LRRC4C: variants seen among roughly 807,000 people sequenced by gnomAD.
LRRC4C encodes the protein leucine rich repeat containing 4C.
In LRRC4C, 5 loss-of-function variants were observed where a neutral mutation model predicts 33.6. The ratio of observed to expected loss-of-function variants is 0.15; its 90% CI spans 0.08 to 0.31. The LOEUF (loss-of-function observed/expected upper bound fraction) is 0.31, where lower values mean the gene tolerates loss of function less well. LRRC4C is among the 10% of genes least tolerant of loss of function. LRRC4C has a pLI of 1.00. For missense variants in LRRC4C, 560 were observed against 796.7 expected (o/e 0.70, Z 3.58); for synonymous variants, 329 against 302.0 (o/e 1.09, Z -0.93).
chr11:40,238,273 C>G (rs1266077744), intron 5 of LRRC4C, among the ~76,000 whole-genome samples: 1 of 152,200 alleles, frequency 6.6e-6, no homozygotes, highest in Non-Finnish European at 1.5e-5. Flanking sequence ...CCTGCTCTAG[C>G]CACTGTTTCC....
chr11:40,629,429 T>C (rs915683776), intron 3 of LRRC4C, among the ~76,000 whole-genome samples: 1 of 152,192 alleles, frequency 6.6e-6, no homozygotes, highest in Admixed American at 6.5e-5. Context: ...TTCTCAATTC[T>C]AGGTATATCT....
chr11:41,315,729 A>G (rs1198478869), intron 1 of LRRC4C, among the ~76,000 whole-genome samples: 1 of 152,230 alleles, frequency 6.6e-6, no homozygotes, highest in Non-Finnish European at 1.5e-5. Context: ...TTAAATCACT[A>G]AGTTCTGAAT....
intron 1 of LRRC4C, among the ~76,000 whole-genome samples, chr11:41,162,655 AT>A (rs1760057529): frequency 6.6e-6 from 1 of 152,228 alleles, no homozygotes; most frequent in Non-Finnish European, 1.5e-5. Flanking sequence ...ACCTAAAAAT[AT>A]GTAATCATAA....
At chr11:40,832,745 A>G (rs1277363936) in intron 2 of LRRC4C, among the ~76,000 whole-genome samples, 1 of 152,190 alleles carries the variant, frequency 6.6e-6, no homozygotes, top group Non-Finnish European at 1.5e-5. Context: ...AAAATTTTGG[A>G]ACTATCAAAT....
intron 5 of LRRC4C, among the ~76,000 whole-genome samples, chr11:40,204,665 T>C (rs1863014194): frequency 6.6e-6 from 1 of 152,170 alleles, no homozygotes; most frequent in Non-Finnish European, 1.5e-5. Flanking sequence ...AGACAATTGA[T>C]AAATACAGAT....
At chr11:40,549,940 T>C (rs1420788912) in intron 3 of LRRC4C, among the ~76,000 whole-genome samples, 1 of 152,122 alleles carries the variant, frequency 6.6e-6, no homozygotes, top group African/African-American at 2.4e-5. Context: ...TTGAAATATG[T>C]GTTATATGAA....
At chr11:40,144,795 AGCCGTAG>A (rs983784734) in intron 5 of LRRC4C, among the ~76,000 whole-genome samples, 1 of 152,222 alleles carries the variant, frequency 6.6e-6, no homozygotes, top group African/African-American at 2.4e-5. Context: ...AAATATTTGA[AGCCGTAG>A]GCTAGTGATC....
intron 1 of LRRC4C, among the ~76,000 whole-genome samples, chr11:41,050,741 G>A (rs961714265): frequency 1.3e-5 from 2 of 152,118 alleles, no homozygotes; most frequent in African/African-American, 4.8e-5. Flanking sequence ...AAATAGTGCT[G>A]CAGTAAACAT....
At chr11:41,033,402 C>A (rs1045731548) in intron 1 of LRRC4C, among the ~76,000 whole-genome samples, 2 of 151,890 alleles carry the variant, frequency 1.3e-5, no homozygotes, top group Non-Finnish European at 2.9e-5. Context: ...CAGACAGCCA[C>A]AAGCTTATGG....
At chr11:40,249,228 A>C (rs1486968902) in intron 4 of LRRC4C, among the ~76,000 whole-genome samples, 1 of 152,040 alleles carries the variant, frequency 6.6e-6, no homozygotes, top group Non-Finnish European at 1.5e-5. Flanking sequence ...AATCCCAGCT[A>C]CTTGGGAGGC....
At chr11:40,633,893 G>C (rs1363884439) in intron 3 of LRRC4C, among the ~76,000 whole-genome samples, 1 of 152,148 alleles carries the variant, frequency 6.6e-6, no homozygotes, top group Non-Finnish European at 1.5e-5. Flanking sequence ...TTATAAAAAT[G>C]AAATACATAT....
chr11:40,482,120 T>C (rs1349035724), intron 3 of LRRC4C, among the ~76,000 whole-genome samples: 1 of 152,194 alleles, frequency 6.6e-6, no homozygotes, highest in Non-Finnish European at 1.5e-5. Context: ...TTGGTAACAA[T>C]CATATAGATC....
rs867521836 is a variant in LRRC4C, at chr11:40,521,855, G to A, written c.-270+126287C>T. On this transcript the variant is annotated intron_variant, in intron 3 of 6. Transcript: ENST00000528697. ...CTGTACTCCAGCCTGGTGACAGAGC[G>A]AGACACCGTCTCAAAAAAATAAAAT... Among the ~76,000 whole-genome samples the A allele has an allele frequency of 2.4e-4, 36 of 151,824 alleles. 1 individual carries two copies. The South Asian group carries it at 4.6e-3, about 19-fold the overall frequency.
At chr11:40,915,350 A>T (rs1466404305) in intron 2 of LRRC4C, among the ~76,000 whole-genome samples, 2 of 152,184 alleles carry the variant, frequency 1.3e-5, no homozygotes, top group Non-Finnish European at 2.9e-5. Flanking sequence ...AAACAGAGAT[A>T]TAGATCAATG....
intron 3 of LRRC4C, among the ~76,000 whole-genome samples, chr11:40,644,577 T>C (rs536709959): frequency 1.3e-5 from 2 of 152,246 alleles, no homozygotes; most frequent in East Asian, 3.9e-4. Context: ...TACCAAGAAA[T>C]ATTACTCAAT....
chr11:40,476,342 CTTTTT>C (rs71308392), intron 3 of LRRC4C, among the ~76,000 whole-genome samples: 2 of 81,352 alleles, frequency 2.5e-5, no homozygotes, highest in African/African-American at 4.5e-5. Flanking sequence ...TTTTTTTCTT[CTTTTT>C]TTTTTTTTTT....
chr11:40,578,150 T>TG (rs1958295535), intron 3 of LRRC4C, among the ~76,000 whole-genome samples: 10 of 85,368 alleles, frequency 1.2e-4, no homozygotes, highest in African/African-American at 3.0e-4. Flanking sequence ...GGTTTTTTTT[T>TG]TTTTTTTTTT....
intron 1 of LRRC4C, among the ~76,000 whole-genome samples, chr11:41,281,080 T>TCTCTCTC (rs1949656684): frequency 9.6e-6 from 1 of 104,510 alleles, no homozygotes; most frequent in African/African-American, 4.5e-5. Flanking sequence ...CTCTCTGTCC[T>TCTCTCTC]CTCTCTCTCT....
At chr11:40,200,002 C>T (rs1250415735) in intron 5 of LRRC4C, among the ~76,000 whole-genome samples, 3 of 151,832 alleles carry the variant, frequency 2.0e-5, no homozygotes, top group Non-Finnish European at 2.9e-5. Context: ...CCTCTGAGGG[C>T]CTTGGTCATT....
Sources: gnomAD v4.1 joint callset for allele counts (sites outside exome capture counted in the v4.1 genomes callset) on GRCh38, gnomAD v4.1.1 for gene constraint, MANE v1.5 for transcripts, NCBI Gene and HGNC (gene_info 2026-07-23, HGNC 2026-07-21) for gene names.